The following CFTR variants were observed in gnomAD, a reference collection of about 807,000 sequenced individuals.
The protein encoded by CFTR is CF transmembrane conductance regulator.
A neutral mutation model predicts 171.6 loss-of-function variants in CFTR; 181 were observed. The ratio of observed to expected loss-of-function variants is 1.05; its 90% CI spans 0.93 to 1.19. CFTR has a LOEUF of 1.19. CFTR is among the 50% of genes most tolerant of loss of function. CFTR has a pLI of 0.00. For missense variants in CFTR, 1,968 were observed against 1,734.7 expected (o/e 1.13, Z -2.39); for synonymous variants, 583 against 608.0 (o/e 0.96, Z 0.60).
At chr7:117,595,173 G>A in intron 15 of CFTR, 115 bp downstream of exon 15, 2 of 772,982 alleles carry the variant, frequency 2.6e-6, no homozygotes, top group African/African-American at 1.7e-5. Context: ...ATGTATACAT[G>A]TATAAGTATG....
At chr7:117,614,299 G>A (rs1792449523) in intron 20 of CFTR, among the ~76,000 whole-genome samples, 1 of 152,016 alleles carries the variant, frequency 6.6e-6, no homozygotes, top group Non-Finnish European at 1.5e-5. Flanking sequence ...TAGAATAATA[G>A]TAGAAGAGAC....
At chr7:117,591,889 A>G (rs773481219) in intron 13 of CFTR, 45 bp from the exon 14 acceptor site, 2 of 1,226,522 alleles carry the variant, frequency 1.6e-6, no homozygotes, top group Middle Eastern at 2.8e-4. Flanking sequence ...ATATTGCAAT[A>G]AAGTATTTAT....
intron 2 of CFTR, among the ~76,000 whole-genome samples, chr7:117,508,119 A>C (rs936332795): frequency 3.3e-4 from 51 of 152,380 alleles, no homozygotes; most frequent in African/African-American, 1.2e-3. Context: ...ACTTATGGTA[A>C]CTTGACAGTA....
intron 3 of CFTR, among the ~76,000 whole-genome samples, 188 bp from the exon 4 acceptor site, chr7:117,530,711 A>G (rs919639661): frequency 6.6e-6 from 1 of 152,310 alleles, no homozygotes; most frequent in Non-Finnish European, 1.5e-5. Flanking sequence ...TTGCTATAAC[A>G]AATCCCAAGT....
At chr7:117,573,592 C>G (rs1398884800) in intron 11 of CFTR, among the ~76,000 whole-genome samples, 2 of 151,970 alleles carry the variant, frequency 1.3e-5, no homozygotes, top group South Asian at 2.1e-4. Flanking sequence ...AATAAGCTCC[C>G]CAGGTGATTC....
intron 3 of CFTR, among the ~76,000 whole-genome samples, chr7:117,520,644 G>A (rs1798670849): frequency 1.3e-5 from 2 of 151,818 alleles, no homozygotes; most frequent in Non-Finnish European, 3.0e-5. Flanking sequence ...CTATTTCTTT[G>A]TCATGTCACA....
Position 117,664,703 on chromosome 7 carries a change from G to C in CFTR, c.3979G>C (p.Val1327Leu). The C allele has an allele frequency of 1.1e-5, 18 of 1,613,928 alleles. No individual in the cohort carries two copies. The highest frequency in any genetic ancestry group is 1.5e-5 in the Non-Finnish European group (18 of 1,179,876). Residue 1327 changes from valine to leucine, a missense_variant, in exon 25 of 27, where the codon GTG (valine) becomes CTG (leucine). Val to Leu is a conservative substitution (Grantham distance 32, BLOSUM62 1). Coordinates refer to ENST00000003084, the MANE Select transcript of CFTR (RefSeq NM_000492.4). ...CTAACTGCAGGTTGGGCTCAGATCTGTGATAGAACAGTTTCCTGGGAAGCT... is the reference window on the plus strand; with the variant it reads ...CTAACTGCAGGTTGGGCTCAGATCTCTGATAGAACAGTTTCCTGGGAAGCT... ...KVADEVGLRSVIEQFPGKLDF... is the reference protein window; with the variant it reads ...KVADEVGLRSLIEQFPGKLDF...
At chr7:117,541,704 T>C (rs1253081068) in intron 8 of CFTR, among the ~76,000 whole-genome samples, 2 of 152,176 alleles carry the variant, frequency 1.3e-5, no homozygotes, top group East Asian at 3.9e-4. Flanking sequence ...TAATTCAGGG[T>C]TGCTTTGTAA....
intron 4 of CFTR, among the ~76,000 whole-genome samples, chr7:117,531,565 C>T (rs1798867185): frequency 6.6e-6 from 1 of 152,082 alleles, no homozygotes; most frequent in Non-Finnish European, 1.5e-5. Flanking sequence ...TAGTAGTATC[C>T]ACCGCCTTAT....
chr7:117,654,468 C>T (rs753202420), intron 24 of CFTR, among the ~76,000 whole-genome samples: 2 of 151,842 alleles, frequency 1.3e-5, no homozygotes, highest in Non-Finnish European at 2.9e-5. Context: ...CCACCCAAAT[C>T]TTGTCTTGAA....
At chr7:117,490,830 C>A (rs1798149130) in intron 1 of CFTR, among the ~76,000 whole-genome samples, 1 of 152,062 alleles carries the variant, frequency 6.6e-6, no homozygotes, top group Non-Finnish European at 1.5e-5. Context: ...ATTTATCCCT[C>A]CTTTCCTATG....
intron 4 of CFTR, among the ~76,000 whole-genome samples, chr7:117,532,268 G>A (rs1461521097): frequency 6.6e-6 from 1 of 152,120 alleles, no homozygotes; most frequent in East Asian, 1.9e-4. Flanking sequence ...TATCAGAGAA[G>A]GTTGAATTCA....
chr7:117,521,198 T>C (rs1369109791), intron 3 of CFTR, among the ~76,000 whole-genome samples: 1 of 152,056 alleles, frequency 6.6e-6, no homozygotes, highest in African/African-American at 2.4e-5. Flanking sequence ...TAAACCTCGA[T>C]CTATTAAATT....
intron 4 of CFTR, among the ~76,000 whole-genome samples, chr7:117,532,844 G>A (rs767534986): frequency 1.1e-4 from 17 of 152,050 alleles, no homozygotes; most frequent in African/African-American, 3.1e-4. Context: ...TCCCATCTCC[G>A]TGTGGCTTTG....
intron 4 of CFTR, among the ~76,000 whole-genome samples, chr7:117,531,766 T>G (rs1486848900): frequency 6.6e-6 from 1 of 152,206 alleles, no homozygotes; most frequent in Non-Finnish European, 1.5e-5. Flanking sequence ...AATTCAAGGT[T>G]GTTTCAAAGG....
At chr7:117,488,989 A>G (rs1798116511) in intron 1 of CFTR, among the ~76,000 whole-genome samples, 1 of 152,074 alleles carries the variant, frequency 6.6e-6, no homozygotes. Context: ...GCATCCCACA[A>G]GGTTGACTCT....
intron 15 of CFTR, among the ~76,000 whole-genome samples, chr7:117,598,740 T>A (rs886790725): frequency 2.0e-5 from 3 of 152,200 alleles, no homozygotes; most frequent in Admixed American, 1.3e-4. Context: ...GGACTCCGAC[T>A]ACTCAGGGTG....
rs1554392458 is a variant in CFTR, at chr7:117,612,071, T to TATA, written c.3367+263_3367+264insATA. On this transcript the variant is annotated intron_variant, in intron 20 of 26. Transcript: ENST00000003084. ...TATATATACATATATATATATAGTA[T>TATA]TATCCCTGTTTTCACAGTTTTAAAA... Among the ~76,000 whole-genome samples the TATA allele has an allele frequency of 6.8e-4, 58 of 84,964 alleles. 1 individual carries two copies. Among genetic ancestry groups the TATA allele is most frequent in the Non-Finnish European group, 1.3e-3 (51 of 38,976 alleles). The allele number at this position is 84,964 out of a possible 152,430, so 55.7% of individuals were successfully genotyped here.
chr7:117,548,333 G>GGGGTGTGTGTGT (rs1554382502), intron 9 of CFTR, among the ~76,000 whole-genome samples: 1 of 144,080 alleles, frequency 6.9e-6, no homozygotes, highest in South Asian at 2.2e-4. Context: ...AGGAGAAGAG[G>GGGGTGTGTGTGT]GTGTGTGTGT....
Sources: gnomAD v4.1 joint callset for allele counts (sites outside exome capture counted in the v4.1 genomes callset) on GRCh38, gnomAD v4.1.1 for gene constraint, MANE v1.5 for transcripts, NCBI Gene and HGNC (gene_info 2026-07-23, HGNC 2026-07-21) for gene names.